EYS: variants seen among roughly 807,000 people sequenced by gnomAD.
The protein encoded by EYS is EGF-like photoreceptor maintenance factor.
EYS carries 250 observed loss-of-function variants against 282.1 expected under a neutral mutation model. That is an observed-to-expected ratio of 0.89 (90% CI 0.80 to 0.98). The LOEUF (loss-of-function observed/expected upper bound fraction) is 0.98. EYS is among the 50% of genes least tolerant of loss of function. EYS has a pLI of 0.00. For missense variants in EYS, 4,016 were observed against 3,709.0 expected, an observed-to-expected ratio of 1.08 and a Z score of -2.15; for synonymous variants, 1,355 against 1,282.9, an observed-to-expected ratio of 1.06 and a Z score of -1.20.
At chr6:64,403,419 C>A (rs990699421) in intron 28 of EYS, among the ~76,000 whole-genome samples, 1 of 151,884 alleles carries the variant, frequency 6.6e-6, no homozygotes, top group South Asian at 2.1e-4. Context: ...TGCAGTGGTG[C>A]AATCTTGGCT....
intron 28 of EYS, among the ~76,000 whole-genome samples, chr6:64,423,161 G>A (rs972391697): frequency 7.2e-5 from 11 of 152,042 alleles, no homozygotes; most frequent in Non-Finnish European, 1.6e-4. Flanking sequence ...CACTCTCAAA[G>A]TACTCAGATT....
chr6:64,685,920 G>T (rs985860196), intron 22 of EYS, among the ~76,000 whole-genome samples: 1 of 152,000 alleles, frequency 6.6e-6, no homozygotes, highest in Non-Finnish European at 1.5e-5. Flanking sequence ...TCAGTAAATT[G>T]TAAGAGTTTG....
intron 8 of EYS, among the ~76,000 whole-genome samples, chr6:65,379,880 G>C (rs9345614): frequency 0.41 from 62,495 of 151,314 alleles, 13,885 homozygotes; most frequent in South Asian, 0.51. Flanking sequence ...GCTACAAAGA[G>C]AATAAAATAC....
chr6:65,014,505 A>C (rs1373176027), intron 13 of EYS, among the ~76,000 whole-genome samples: 1 of 152,202 alleles, frequency 6.6e-6, no homozygotes, highest in Non-Finnish European at 1.5e-5. Flanking sequence ...GTGAGCCCTA[A>C]GGAATCATCA....
intron 41 of EYS, among the ~76,000 whole-genome samples, chr6:63,740,416 A>C (rs1238276335): frequency 1.3e-5 from 2 of 152,148 alleles, no homozygotes; most frequent in Non-Finnish European, 2.9e-5. Context: ...GCCATGTGGA[A>C]CTGTAAGTCC....
intron 5 of EYS, among the ~76,000 whole-genome samples, chr6:65,431,383 C>T (rs1767880855): frequency 6.6e-6 from 1 of 152,058 alleles, no homozygotes; most frequent in African/African-American, 2.4e-5. Flanking sequence ...GGTATTCCTC[C>T]TTATTCTGTT....
chr6:64,388,938 A>G (rs989879136), intron 28 of EYS, 98 bp from the exon 29 acceptor site: 93 of 814,990 alleles, frequency 1.1e-4, no homozygotes, highest in Non-Finnish European at 1.5e-4. Context: ...ATTTAAGTAA[A>G]TAGATTATTT....
chr6:64,177,334 G>GTA (rs58368805), intron 31 of EYS, among the ~76,000 whole-genome samples: 51,485 of 149,486 alleles, frequency 0.34, 8,794 homozygotes, highest in East Asian at 0.53. Flanking sequence ...TTCACACACT[G>GTA]TATATATATA....
chr6:64,175,440 C>A (rs895273167), intron 31 of EYS, among the ~76,000 whole-genome samples: 1 of 152,204 alleles, frequency 6.6e-6, no homozygotes, highest in Non-Finnish European at 1.5e-5. Flanking sequence ...ATCTGGCTAC[C>A]GCTGAGTGTC....
At chr6:65,549,839 A>G (rs1243651968) in intron 2 of EYS, among the ~76,000 whole-genome samples, 2 of 152,280 alleles carry the variant, frequency 1.3e-5, no homozygotes, top group East Asian at 3.9e-4. Flanking sequence ...GATCTGGTTC[A>G]ATGGCTGCCG....
At chr6:63,858,372 T>C (rs1772447006) in intron 36 of EYS, among the ~76,000 whole-genome samples, 1 of 152,182 alleles carries the variant, frequency 6.6e-6, no homozygotes, top group South Asian at 2.1e-4. Context: ...TCAAAGCTAT[T>C]TTTTAAGAAC....
intron 35 of EYS, among the ~76,000 whole-genome samples, chr6:63,979,730 C>T (rs1767002142): frequency 6.6e-6 from 1 of 151,904 alleles, no homozygotes. Context: ...TTTGGATACT[C>T]AGAATAAGCC....
At chr6:65,056,352 A>T (rs1773413307) in intron 13 of EYS, among the ~76,000 whole-genome samples, 1 of 152,054 alleles carries the variant, frequency 6.6e-6, no homozygotes, top group Non-Finnish European at 1.5e-5. Context: ...GAAAATCCAA[A>T]ATCTGGGCAG....
intron 22 of EYS, among the ~76,000 whole-genome samples, chr6:64,775,046 A>G (rs906007550): frequency 1.3e-5 from 2 of 151,998 alleles, no homozygotes; most frequent in Admixed American, 6.6e-5. Context: ...ATGCCTAGAG[A>G]TGTCCGTGAC....
chr6:63,821,968 T>A (rs557502705), intron 36 of EYS: 1 of 152,298 alleles, frequency 6.6e-6, no homozygotes, highest in Non-Finnish European at 1.5e-5. Context: ...GAAAGAAATC[T>A]CCTGTCCTTT....
chr6:64,680,722 G>A (rs1266622800), intron 22 of EYS, among the ~76,000 whole-genome samples: 6 of 152,148 alleles, frequency 3.9e-5, no homozygotes, highest in Admixed American at 2.6e-4. Flanking sequence ...TGTGGAGACC[G>A]ATTACCTTAG....
intron 41 of EYS, among the ~76,000 whole-genome samples, chr6:63,753,580 T>C (rs1445463875): frequency 2.0e-5 from 3 of 152,126 alleles, no homozygotes; most frequent in African/African-American, 7.2e-5. Context: ...CTTATATTAA[T>C]AAAACCATCA....
chr6:63,850,359 C>G (rs1018513558), intron 36 of EYS, among the ~76,000 whole-genome samples: 2 of 151,882 alleles, frequency 1.3e-5, no homozygotes, highest in African/African-American at 2.4e-5. Flanking sequence ...AAGAGCAACA[C>G]CAAGACATAT....
intron 26 of EYS, among the ~76,000 whole-genome samples, chr6:64,561,260 A>G (rs1403664220): frequency 6.6e-6 from 1 of 152,112 alleles, no homozygotes; most frequent in Non-Finnish European, 1.5e-5. Context: ...TTCCCCTTGA[A>G]AGCCAGCACA....
Sources: allele counts gnomAD v4.1 joint callset (sites outside exome capture counted in the v4.1 genomes callset), GRCh38; gene constraint gnomAD v4.1.1; transcripts MANE v1.5; gene names NCBI Gene and HGNC (gene_info 2026-07-23, HGNC 2026-07-21).